IL1RL1: variants seen among roughly 807,000 people sequenced by gnomAD.
The protein encoded by IL1RL1 is interleukin-1 receptor-like 1.
Under a neutral mutation model 50.9 loss-of-function variants are expected in IL1RL1, and 32 were observed. The observed-to-expected ratio is 0.63, with a 90% confidence interval of 0.47 to 0.84. The LOEUF is 0.84. Among genes scored for constraint, IL1RL1 ranks in the 40% least tolerant of loss-of-function variants. IL1RL1 has a pLI of 0.00. For missense variants in IL1RL1, 773 were observed against 662.9 expected (o/e 1.17, Z -1.82); for synonymous variants, 275 against 236.0 (o/e 1.17, Z -1.51).
intron 10 of IL1RL1, 35 bp from the exon 11 acceptor site, chr2:102,351,501 T>C (rs1185951983): frequency 1.9e-6 from 3 of 1,576,210 alleles, no homozygotes; most frequent in Non-Finnish European, 2.6e-6. Flanking sequence ...AGCATTAGAC[T>C]GATAAGAAAT....
intron 1 of IL1RL1, among the ~76,000 whole-genome samples, chr2:102,330,933 G>A (rs891070370): frequency 6.6e-6 from 1 of 152,022 alleles, no homozygotes; most frequent in African/African-American, 2.4e-5. Context: ...TCATTTTTCT[G>A]TATAATATGA....
At chr2:102,343,616 T>C (rs945514032) in intron 8 of IL1RL1, 1 of 1,447,650 alleles carries the variant, frequency 6.9e-7, no homozygotes, top group Non-Finnish European at 9.0e-7. Flanking sequence ...CTGCTTAAAT[T>C]GTTCGTCCTC....
At chr2:102,341,770 T>G (rs1166084309) in intron 5 of IL1RL1, among the ~76,000 whole-genome samples, 2 of 152,120 alleles carry the variant, frequency 1.3e-5, no homozygotes, top group African/African-American at 4.8e-5. Flanking sequence ...GAGTCAGAAT[T>G]CCGTACGGGG....
chr2:102,340,774 A>G lies in IL1RL1; in HGVS notation c.556A>G (p.Asn186Asp). The change falls in exon 5 of 11, where the codon AAT becomes GAT. Residue 186 changes from asparagine (N) to aspartate (D), a missense_variant. By Grantham distance (23) the Asn-to-Asp change is conservative (BLOSUM62 1). Transcript: ENST00000233954. The stretch of plus-strand genomic sequence containing the variant: ...TGATTACACCTGTAAATTTATACAC[A>G]ATGAAAATGGAGCCAATTATAGTGT... ...AGDYTCKFIHNENGANYSVTA... is the reference protein window; with the variant it reads ...AGDYTCKFIHDENGANYSVTA... The G allele has an allele frequency of 1.9e-6, 3 of 1,590,152 alleles. No individual in the cohort carries two copies. The highest frequency in any genetic ancestry group is 2.6e-6 in the Non-Finnish European group (3 of 1,173,066).
intron 1 of IL1RL1, among the ~76,000 whole-genome samples, chr2:102,335,022 A>T (rs1677275376): frequency 6.6e-6 from 1 of 152,170 alleles, no homozygotes; most frequent in Non-Finnish European, 1.5e-5. Flanking sequence ...ATTCTATGAG[A>T]TTAATCTGAA....
intron 1 of IL1RL1, among the ~76,000 whole-genome samples, chr2:102,317,613 A>G (rs537993902): frequency 3.3e-5 from 5 of 152,172 alleles, no homozygotes; most frequent in Admixed American, 2.0e-4. Context: ...CAATTACTTC[A>G]TAGATTTTTA....
Position 102,351,919 on chromosome 2 carries a change from T to C in IL1RL1, c.1669T>C (p.Ter557GlnextTer4), listed in dbSNP as rs1458099523. Residue 557 changes from the stop codon to glutamine (Q), a stop_lost, in exon 11 of 11, where the codon TAG (stop) becomes CAG (glutamine). Coordinates refer to ENST00000233954, the MANE Select transcript of IL1RL1 (RefSeq NM_016232.5). ...SLTPLAAQKQ* is the reference protein window; with the variant it reads ...SLTPLAAQKQQ Reference sequence around the variant, plus strand: ...GACTCCCTTGGCTGCCCAGAAGCAATAGTGCCTGCTGTGATGTGCAAAGGC... The same window carrying C: ...GACTCCCTTGGCTGCCCAGAAGCAACAGTGCCTGCTGTGATGTGCAAAGGC... 2 of 1,604,862 alleles carry C rather than the reference T, an allele frequency of 1.2e-6. No individual in the cohort carries two copies. Among genetic ancestry groups the C allele is most frequent in the Non-Finnish European group, 1.7e-6 (2 of 1,176,034 alleles).
intron 1 of IL1RL1, among the ~76,000 whole-genome samples, chr2:102,329,113 A>G (rs1196017652): frequency 1.3e-5 from 2 of 152,208 alleles, no homozygotes; most frequent in African/African-American, 4.8e-5. Flanking sequence ...AGTAACCAAA[A>G]CAGCATGGTA....
At chr2:102,328,329 T>G (rs558481417) in intron 1 of IL1RL1, among the ~76,000 whole-genome samples, 1 of 151,912 alleles carries the variant, frequency 6.6e-6, no homozygotes, top group South Asian at 2.1e-4. Context: ...AAACTCTCAA[T>G]AAATTAGGTA....
chr2:102,327,560 A>C (rs1278284987), intron 1 of IL1RL1, among the ~76,000 whole-genome samples: 43 of 152,160 alleles, frequency 2.8e-4, no homozygotes, highest in African/African-American at 8.2e-4. Context: ...ATCAATGAAT[A>C]CAGGAGCTGG....
At chr2:102,326,002 C>T (rs1676987080) in intron 1 of IL1RL1, among the ~76,000 whole-genome samples, 1 of 152,134 alleles carries the variant, frequency 6.6e-6, no homozygotes, top group African/African-American at 2.4e-5. Flanking sequence ...ATACAGAGAA[C>T]ACCACAAAGA....
chr2:102,348,891 A>C (rs1677852749), intron 9 of IL1RL1, among the ~76,000 whole-genome samples, 188 bp from the exon 10 acceptor site: 1 of 152,148 alleles, frequency 6.6e-6, no homozygotes, highest in Non-Finnish European at 1.5e-5. Context: ...CTTTGGGATG[A>C]AGACTGTTAT....
intron 1 of IL1RL1, among the ~76,000 whole-genome samples, chr2:102,311,906 T>A (rs1329105737): frequency 1.5e-3 from 38 of 25,002 alleles, no homozygotes; most frequent in Non-Finnish European, 2.2e-3. Flanking sequence ...ATCATATATG[T>A]TATATATTTT....
chr2:102,319,467 T>A (rs1277754041), intron 1 of IL1RL1, among the ~76,000 whole-genome samples: 1 of 152,180 alleles, frequency 6.6e-6, no homozygotes, highest in Non-Finnish European at 1.5e-5. Context: ...AAGGTAAATA[T>A]TAGCCTTCAC....
Position 102,347,966 on chromosome 2 carries a change from G to A in IL1RL1, c.992G>A (p.Cys331Tyr). The change falls in exon 9 of 11, where the codon TGC becomes TAC. Residue 331 changes from cysteine to tyrosine, a missense_variant. Transcript: ENST00000233954. Reference protein sequence around the residue: ...KNPIDHHSIYCIIAVCSVFLM... With the variant: ...KNPIDHHSIYYIIAVCSVFLM... Reference sequence around the variant, plus strand: ...ATAGTTGATCATCATAGCATCTACTGCATAATTGCAGTATGTAGTGTATTT... The same window carrying A: ...ATAGTTGATCATCATAGCATCTACTACATAATTGCAGTATGTAGTGTATTT... The A allele has an allele frequency of 6.5e-7, 1 of 1,531,128 alleles. No homozygotes were observed. The highest frequency in any genetic ancestry group is 9.1e-7 in the Non-Finnish European group (1 of 1,104,900). The allele number at this position is 1,531,128 out of a possible 1,614,324, so 94.8% of individuals were successfully genotyped here.
rs150347157 is a variant in IL1RL1 at position 102,343,349 on chromosome 2, G to C, written c.904G>C (p.Asp302His). ...GGAAGAGGATTTATTGCTGCAGTAC[G>C]ACTGTCTGGCCCTGAATTTGCATGG... The part of the protein sequence containing the change: ...VKEEDLLLQY[D>H]CLALNLHGLR... The change falls in exon 8 of 11, where the codon GAC (aspartate) becomes CAC (histidine). Residue 302 changes from aspartate (D) to histidine (H), a missense_variant. By Grantham distance (81) the Asp-to-His change is moderately conservative. Coordinates refer to ENST00000233954, the MANE Select transcript of IL1RL1 (RefSeq NM_016232.5). 1 of 1,614,200 alleles carries C rather than the reference G, an allele frequency of 6.2e-7. No homozygotes were observed. The highest frequency in any genetic ancestry group is 1.1e-5 in the South Asian group (1 of 91,088).
intron 8 of IL1RL1, among the ~76,000 whole-genome samples, chr2:102,347,559 CT>C (rs1355647563): frequency 1.3e-5 from 2 of 152,168 alleles, no homozygotes; most frequent in Non-Finnish European, 2.9e-5. Flanking sequence ...TGGGCATTTC[CT>C]TTTTTGCATC....
chr2:102,331,623 C>T (rs535965451), intron 1 of IL1RL1, among the ~76,000 whole-genome samples: 13 of 152,178 alleles, frequency 8.5e-5, no homozygotes, highest in Admixed American at 3.9e-4. Context: ...TCTCATCTTC[C>T]GATAAGATAA....
intron 1 of IL1RL1, among the ~76,000 whole-genome samples, chr2:102,325,712 C>A (rs1676977947): frequency 6.6e-6 from 1 of 152,198 alleles, no homozygotes; most frequent in Non-Finnish European, 1.5e-5. Context: ...AATGCGCAAG[C>A]CTCAGTAGCC....
Sources: allele counts gnomAD v4.1 joint callset (sites outside exome capture counted in the v4.1 genomes callset), GRCh38; gene constraint gnomAD v4.1.1; transcripts MANE v1.5; gene names NCBI Gene and HGNC (gene_info 2026-07-23, HGNC 2026-07-21).